QSER1: variants seen among roughly 807,000 people sequenced by gnomAD.
QSER1 encodes the protein glutamine and serine rich 1.
A neutral mutation model predicts 158.5 loss-of-function variants in QSER1; 49 were observed. The observed-to-expected ratio is 0.31, with a 90% confidence interval of 0.25 to 0.39. QSER1 has a LOEUF of 0.39. QSER1 is among the 10% of genes least tolerant of loss of function. QSER1 has a pLI of 1.00. For missense variants in QSER1, 1,754 were observed against 2,010.3 expected, an observed-to-expected ratio of 0.87 and a Z score of 2.44; for synonymous variants, 650 against 715.5, an observed-to-expected ratio of 0.91 and a Z score of 1.46.
At position 32,978,828 on chromosome 11, in the gene QSER1, ATGT is replaced by A. The variant is rs879286940; in HGVS notation, c.*2356_*2358del. ...CCTCAGGCCTTAGAGAAAAGTGGAA[ATGT>A]TATTATGACAGCCGTCCATGAGTTA... On this transcript the variant is annotated 3_prime_UTR_variant, in exon 13 of 13. Coordinates refer to ENST00000650167, the MANE Select transcript of QSER1 (RefSeq NM_001076786.3). 3.3e-5 allele frequency: 5 copies of A among 152,334 alleles called. No homozygotes were observed. The East Asian group carries it at 9.6e-4, about 29-fold the overall frequency. 9.4% of individuals were successfully genotyped at this position (152,334 alleles called of 1,614,324 possible).
At position 32,922,570 on chromosome 11, in the gene QSER1, C is replaced by T. The variant is rs185575987; in HGVS notation, c.210-4587C>T. On this transcript the variant is annotated intron_variant, in intron 1 of 12. Transcript: ENST00000650167. ...TGTGATCTCGGCTCATTGCAACCTC[C>T]GCCTCCCAGGTTCAATTGGTTTTCA... Among the ~76,000 whole-genome samples the T allele has an allele frequency of 2.1e-3, 316 of 148,656 alleles. 5 individuals carry two copies. In the East Asian group the frequency reaches 0.029, roughly 14 times the overall value.
intron 10 of QSER1, among the ~76,000 whole-genome samples, chr11:32,971,956 G>A (rs1355553382): frequency 2.0e-5 from 3 of 151,672 alleles, no homozygotes; most frequent in African/African-American, 4.8e-5. Context: ...CCAGCTACTC[G>A]GGAGGCTGAG....
At chr11:32,942,550 C>A (rs1286410954) in intron 4 of QSER1, among the ~76,000 whole-genome samples, 1 of 151,694 alleles carries the variant, frequency 6.6e-6, no homozygotes, top group East Asian at 1.9e-4. Context: ...TGTAGATGTG[C>A]GGCATTATTT....
At position 32,893,274 on chromosome 11, in the gene QSER1, C is replaced by CCGCCAGCAGCAGCTGCAGCAGTGG. The variant is rs1326699517; in HGVS notation, c.150_151insGCCAGCAGCAGCTGCAGCAGTGGC (p.Ala50_Ser51insAlaSerSerSerCysSerSerGly). ...GAACCCCGAGCCGCCGCCGCCGCCG[C>CCGCCAGCAGCAGCTGCAGCAGTGG]CAGCAGCAGCTGCAGCAGTGGCAGC... On this transcript the variant is annotated inframe_insertion, in exon 1 of 13. Transcript: ENST00000650167. This position sits in a 1 kb window ranked among gnomAD's most constrained non-coding sequence, Gnocchi z 4.7. The CCGCCAGCAGCAGCTGCAGCAGTGG allele has an allele frequency of 6.5e-6, 1 of 153,542 alleles. No homozygotes were observed. Among genetic ancestry groups the CCGCCAGCAGCAGCTGCAGCAGTGG allele is most frequent in the Non-Finnish European group, 1.5e-5 (1 of 68,824 alleles). The allele number at this position is 153,542 out of a possible 1,614,324, so 9.5% of individuals were successfully genotyped here.
chr11:32,928,757 T>C (rs1852007993), intron 3 of QSER1, among the ~76,000 whole-genome samples: 1 of 152,178 alleles, frequency 6.6e-6, no homozygotes. Flanking sequence ...TTTGAGAATA[T>C]GTTTTTAAAG....
Position 32,980,184 on chromosome 11 carries a change from G to A in QSER1, c.*3710G>A, listed in dbSNP as rs1311523114. On this transcript the variant is annotated 3_prime_UTR_variant, in exon 13 of 13. Coordinates refer to ENST00000650167, the MANE Select transcript of QSER1 (RefSeq NM_001076786.3). Reference sequence around the variant, plus strand: ...GTTTTCATTTGGTCCATAACACAATGTATGGAAATGTGAAAGACAATTTTG... The same window carrying A: ...GTTTTCATTTGGTCCATAACACAATATATGGAAATGTGAAAGACAATTTTG... The A allele has an allele frequency of 1.3e-5, 2 of 152,622 alleles. No homozygotes were observed. Among genetic ancestry groups the A allele is most frequent in the Non-Finnish European group, 2.9e-5 (2 of 68,036 alleles). 9.5% of individuals were successfully genotyped at this position (152,622 alleles called of 1,614,324 possible).
At chr11:32,899,140 G>A (rs1851593968) in intron 1 of QSER1, among the ~76,000 whole-genome samples, 1 of 152,162 alleles carries the variant, frequency 6.6e-6, no homozygotes, top group Non-Finnish European at 1.5e-5. Context: ...CAGAATGGAG[G>A]TTATTTGAAG....
intron 4 of QSER1, among the ~76,000 whole-genome samples, chr11:32,951,962 CA>C (rs1326712695): frequency 5.9e-5 from 9 of 151,950 alleles, no homozygotes; most frequent in African/African-American, 2.2e-4. Context: ...CTCAGCCTCC[CA>C]AGTTGCTGGG....
chr11:32,975,460 G>T (rs1317208013), intron 12 of QSER1, 117 bp downstream of exon 12: 1 of 1,528,502 alleles, frequency 6.5e-7, no homozygotes, highest in Non-Finnish European at 8.8e-7. Context: ...TATGTATTTT[G>T]TCTATGTATT....
chr11:32,974,566 A>T (rs1228126239), intron 11 of QSER1, among the ~76,000 whole-genome samples: 1 of 152,260 alleles, frequency 6.6e-6, no homozygotes, highest in East Asian at 1.9e-4. Flanking sequence ...AGAGCCACGT[A>T]ATGTCATACT....
At chr11:32,929,915 T>G (rs1400729150) in intron 3 of QSER1, among the ~76,000 whole-genome samples, 1 of 152,198 alleles carries the variant, frequency 6.6e-6, no homozygotes, top group African/African-American at 2.4e-5. Flanking sequence ...ACTACCACTT[T>G]AAGCCCCAGA....
intron 4 of QSER1, among the ~76,000 whole-genome samples, chr11:32,935,959 A>C (rs1852146537): frequency 6.6e-6 from 1 of 152,184 alleles, no homozygotes; most frequent in African/African-American, 2.4e-5. Context: ...AAACTTAAAA[A>C]TTTTATGCTG....
In QSER1 at chr11:32,932,600, G is replaced by C. The variant is rs369363385; in HGVS notation, c.1342G>C (p.Val448Leu). The change falls in exon 4 of 13, where the codon GTA becomes CTA. Residue 448 changes from valine (V) to leucine (L), a missense_variant. By Grantham distance (32) the Val-to-Leu change is conservative (BLOSUM62 1). This residue lies in a region of QSER1 where 1,707 missense variants were observed against 1,919.6 expected (regional missense o/e 0.89). Transcript: ENST00000650167. ...YSKPLHNQSS[V>L]ISGQAQIYST... ...CAAACCTTTACATAATCAGAGTTCT[G>C]TAATATCGGGCCAAGCACAAATTTA... 17 of 1,613,930 alleles carry C rather than the reference G, an allele frequency of 1.1e-5. No homozygotes were observed. The highest frequency in any genetic ancestry group is 1.4e-5 in the Non-Finnish European group (17 of 1,180,006).
Position 32,933,495 on chromosome 11 carries a change from T to G in QSER1, c.2237T>G (p.Leu746Arg). 1 of 1,612,076 alleles carries G rather than the reference T, an allele frequency of 6.2e-7. No homozygotes were observed. The highest frequency in any genetic ancestry group is 8.5e-7 in the Non-Finnish European group (1 of 1,179,224). Reference protein sequence around the residue: ...SQSVIRSNSRLEDQVIGVALQ... With the variant: ...SQSVIRSNSRREDQVIGVALQ... ...AGTGTAATCAGAAGTAATTCCCGTC[T>G]TGAAGATCAAGTTATTGGGGTTGCT... is the stretch of plus-strand genomic sequence containing the variant. Residue 746 changes from leucine (L) to arginine (R), a missense_variant, in exon 4 of 13, where the codon CTT becomes CGT. Transcript: ENST00000650167.
At chr11:32,942,814 T>A (rs1308536743) in intron 4 of QSER1, among the ~76,000 whole-genome samples, 3 of 151,884 alleles carry the variant, frequency 2.0e-5, no homozygotes, top group Non-Finnish European at 4.4e-5. Context: ...ATCTGTAAAT[T>A]ACCTTGGGCA....
At chr11:32,915,026 C>T (rs1307219886) in intron 1 of QSER1, among the ~76,000 whole-genome samples, 1 of 152,068 alleles carries the variant, frequency 6.6e-6, no homozygotes, top group Non-Finnish European at 1.5e-5. Context: ...CTCAAGCCAT[C>T]CTCCCACCTT....
At chr11:32,958,290 T>G (rs537863042) in intron 8 of QSER1, among the ~76,000 whole-genome samples, 2 of 152,252 alleles carry the variant, frequency 1.3e-5, no homozygotes, top group East Asian at 3.9e-4. Flanking sequence ...TGCAGCCTTG[T>G]AAATAGAAAA....
chr11:32,895,314 AGAAAATG>A (rs1487163956), intron 1 of QSER1, among the ~76,000 whole-genome samples: 1 of 152,214 alleles, frequency 6.6e-6, no homozygotes, highest in Non-Finnish European at 1.5e-5. Flanking sequence ...AATACAGCAT[AGAAAATG>A]CAGGTTTACC....
intron 1 of QSER1, 176 bp from the exon 2 acceptor site, chr11:32,926,981 C>T (rs1419508581): frequency 6.6e-6 from 1 of 152,324 alleles, no homozygotes; most frequent in Non-Finnish European, 1.5e-5. Context: ...ACTAATGCAT[C>T]TTAAATATAT....
Sources: gnomAD v4.1 joint callset for allele counts (sites outside exome capture counted in the v4.1 genomes callset) on GRCh38, gnomAD v4.1.1 for gene constraint, gnomAD v4.1.1 regional missense constraint, Gnocchi (gnomAD v3.1) non-coding constraint, MANE v1.5 for transcripts, NCBI Gene and HGNC (gene_info 2026-07-23, HGNC 2026-07-21) for gene names.